Variants in UPP2 observed in about 807,000 individuals in gnomAD.
UPP2 encodes uridine phosphorylase 2.
In UPP2, 23 loss-of-function variants were observed where a neutral mutation model predicts 26.7. The ratio of observed to expected loss-of-function variants is 0.86; its 90% CI spans 0.62 to 1.22. UPP2 has a LOEUF of 1.22. Among genes scored for constraint, UPP2 ranks in the 50% most tolerant of loss-of-function variants. UPP2 has a pLI of 0.00. For missense variants in UPP2, 387 were observed against 396.7 expected, an observed-to-expected ratio of 0.98 and a Z score of 0.21; for synonymous variants, 127 against 141.3, an observed-to-expected ratio of 0.90 and a Z score of 0.72.
chr2:158,135,861 T>C lies in UPP2; in HGVS notation c.*971T>C, dbSNP rs749494489. 1 of 152,358 alleles carries C rather than the reference T, an allele frequency of 6.6e-6. No homozygotes were observed. The highest frequency in any genetic ancestry group is 1.5e-5 in the Non-Finnish European group (1 of 68,156). The allele number at this position is 152,358 out of a possible 1,614,324, so 9.4% of individuals were successfully genotyped here. The stretch of plus-strand genomic sequence containing the variant: ...TGACATACTTGGGAGTCGGAATGAC[T>C]GGATGGGGGATGGGTAGAGGATGAC... On this transcript the variant is annotated 3_prime_UTR_variant, in exon 7 of 7. Transcript: ENST00000005756.
chr2:158,114,172 TTC>T lies in UPP2; in HGVS notation c.181-919_181-918del, dbSNP rs1338190844. Among the ~76,000 whole-genome samples the T allele has an allele frequency of 3.9e-5, 6 of 152,142 alleles. No individual in the cohort carries two copies. In the East Asian group the frequency reaches 9.7e-4, roughly 24 times the overall value. ...AGGGCAGACCCTCCACTATGTTGTC[TTC>T]TCTCTCTCTGCATTTTCCTCACCAC... is the stretch of plus-strand genomic sequence containing the variant. On this transcript the variant is annotated intron_variant, in intron 2 of 6. Coordinates refer to ENST00000005756, the MANE Select transcript of UPP2 (RefSeq NM_173355.4).
At chr2:158,129,725 TAGG>T (rs1683770221) in intron 6 of UPP2, among the ~76,000 whole-genome samples, 1 of 143,590 alleles carries the variant, frequency 7.0e-6, no homozygotes, top group African/African-American at 2.5e-5. Flanking sequence ...AAAAAAAAAA[TAGG>T]AGGCATTTAT....
intron 3 of UPP2, among the ~76,000 whole-genome samples, chr2:158,022,997 A>C (rs1372513820): frequency 6.6e-6 from 1 of 152,022 alleles, no homozygotes; most frequent in East Asian, 1.9e-4. Context: ...AATGATCTTG[A>C]AAGGATAAGA....
At chr2:158,133,953 A>G (rs1478088978) in intron 6 of UPP2, 1 of 152,256 alleles carries the variant, frequency 6.6e-6, no homozygotes, top group Non-Finnish European at 1.5e-5. Flanking sequence ...AAGATTTGAT[A>G]TGAAACTGAC....
intron 2 of UPP2, among the ~76,000 whole-genome samples, chr2:157,997,580 A>T (rs887331811): frequency 6.6e-6 from 1 of 152,180 alleles, no homozygotes; most frequent in Non-Finnish European, 1.5e-5. Context: ...ATATATTTTG[A>T]TTATGGGGAA....
intron 2 of UPP2, among the ~76,000 whole-genome samples, chr2:158,112,230 G>A (rs201167913): frequency 6.6e-6 from 1 of 152,096 alleles, no homozygotes; most frequent in Non-Finnish European, 1.5e-5. Flanking sequence ...TAATGATAAA[G>A]ACAGTGTGGT....
intron 3 of UPP2, among the ~76,000 whole-genome samples, chr2:158,027,286 A>G (rs189921104): frequency 7.7e-4 from 118 of 152,284 alleles, no homozygotes; most frequent in African/African-American, 2.6e-3. Context: ...CCTAGATACA[A>G]TGGGGGTACA....
intron 3 of UPP2, among the ~76,000 whole-genome samples, chr2:158,066,342 T>C (rs1199459956): frequency 6.6e-6 from 1 of 152,230 alleles, no homozygotes; most frequent in South Asian, 2.1e-4. Context: ...CCCGAAATCA[T>C]GCAGTATTGA....
chr2:158,064,154 C>T (rs1682397786), intron 3 of UPP2, among the ~76,000 whole-genome samples: 1 of 152,178 alleles, frequency 6.6e-6, no homozygotes, highest in Admixed American at 6.5e-5. Context: ...AGTTCTAGAT[C>T]CTTGAAGAAT....
At chr2:158,030,137 G>A (rs1429988877) in intron 3 of UPP2, among the ~76,000 whole-genome samples, 1 of 152,158 alleles carries the variant, frequency 6.6e-6, no homozygotes, top group African/African-American at 2.4e-5. Context: ...CAAACAATGT[G>A]CTCTGGACAA....
At position 158,023,653 on chromosome 2, in the gene UPP2, C is replaced by T. The variant is rs566571536; in HGVS notation, c.147+7767C>T. Among the ~76,000 whole-genome samples the T allele has an allele frequency of 7.2e-5, 11 of 151,898 alleles. No individual in the cohort carries two copies. In the East Asian group the frequency reaches 9.7e-4, roughly 13 times the overall value. ...ATGGAGCTTTGGGGTGGGGTGGACA[C>T]GGTGGGAGTTGGGTGGGGGTGATGG... On this transcript the variant is annotated intron_variant, in intron 3 of 9. Transcript: ENST00000605860.
chr2:158,111,891 A>C (rs1358621988), intron 2 of UPP2, among the ~76,000 whole-genome samples: 12 of 152,214 alleles, frequency 7.9e-5, no homozygotes, highest in Non-Finnish European at 1.5e-4. Context: ...TACAGGAATC[A>C]AATAAACAAA....
intron 3 of UPP2, 66 bp downstream of exon 3, chr2:158,115,325 A>T (rs1683406641): frequency 2.0e-6 from 3 of 1,497,372 alleles, no homozygotes; most frequent in Non-Finnish European, 2.7e-6. Context: ...GAACTTTTAC[A>T]TGTAGGAGTT....
intron 3 of UPP2, among the ~76,000 whole-genome samples, chr2:158,054,100 G>A (rs892972743): frequency 2.6e-5 from 4 of 151,986 alleles, no homozygotes; most frequent in Non-Finnish European, 4.4e-5. Flanking sequence ...ATGAAACCCC[G>A]TCTCTACTAA....
intron 3 of UPP2, among the ~76,000 whole-genome samples, chr2:158,090,685 A>G (rs1384361842): frequency 2.6e-5 from 4 of 152,206 alleles, no homozygotes; most frequent in South Asian, 2.1e-4. Flanking sequence ...ACGGACCCAC[A>G]TGGACAACTT....
chr2:158,094,776 T>C (rs1682961186), intron 3 of UPP2, among the ~76,000 whole-genome samples: 2 of 152,158 alleles, frequency 1.3e-5, no homozygotes, highest in South Asian at 4.1e-4. Context: ...GCAGTAATAA[T>C]CTGTGGTGTG....
chr2:158,017,741 A>C (rs1683683240), intron 3 of UPP2, among the ~76,000 whole-genome samples: 1 of 152,198 alleles, frequency 6.6e-6, no homozygotes, highest in East Asian at 1.9e-4. Flanking sequence ...GGGGGAACCA[A>C]ATTTGACTCC....
chr2:158,108,190 A>T (rs1683234572), intron 2 of UPP2, among the ~76,000 whole-genome samples: 1 of 152,200 alleles, frequency 6.6e-6, no homozygotes, highest in South Asian at 2.1e-4. Flanking sequence ...TCTACCATTT[A>T]TGGTGCGCTT....
At position 157,997,014 on chromosome 2, in the gene UPP2, T is replaced by G. The variant is rs116000906; in HGVS notation, c.61+1755T>G. On this transcript the variant is annotated intron_variant, in intron 2 of 9. Transcript: ENST00000605860. ...ATAACACCAACTTGACCTTTGACTT[T>G]TAACCTCAACAGTGTGTCTTCACAT... 8.7e-3 allele frequency among the ~76,000 whole-genome samples: 1,330 copies of G among 152,308 alleles called. 26 individuals carry two copies. The highest frequency in any genetic ancestry group is 0.03 in the African/African-American group (1,262 of 41,582).
Sources: allele counts gnomAD v4.1 joint callset (sites outside exome capture counted in the v4.1 genomes callset), GRCh38; gene constraint gnomAD v4.1.1; transcripts MANE v1.5; gene names NCBI Gene and HGNC (gene_info 2026-07-23, HGNC 2026-07-21).